Variants in OPCML observed in about 807,000 individuals in gnomAD.
OPCML encodes the protein opioid-binding protein/cell adhesion molecule.
Under a neutral mutation model 37.8 loss-of-function variants are expected in OPCML, and 13 were observed. The observed-to-expected ratio is 0.34, with a 90% CI of 0.22 to 0.55. The LOEUF is 0.55. Ranked by LOEUF, OPCML falls within the 20% of genes least tolerant of loss-of-function variation. The probability of loss-of-function intolerance (pLI) is 0.91; values close to 1 mark genes in which losing one functional copy is unlikely to be tolerated. For synonymous variants in OPCML, 176 were observed against 168.8 expected (o/e 1.04, Z -0.33); for missense variants, 341 against 435.6 (o/e 0.78, Z 1.93).
chr11:133,294,825 T>TTTTTTTTTTTTTTTTTTTTTC (rs1942587188), intron 1 of OPCML, among the ~76,000 whole-genome samples: 1 of 125,958 alleles, frequency 7.9e-6, no homozygotes, highest in Admixed American at 8.0e-5. Flanking sequence ...CTTTTTTTTT[T>TTTTTTTTTTTTTTTTTTTTTC]TTTTTTTTTT....
intron 2 of OPCML, among the ~76,000 whole-genome samples, chr11:132,883,992 A>G (rs1323436266): frequency 6.6e-6 from 1 of 152,198 alleles, no homozygotes; most frequent in Non-Finnish European, 1.5e-5. Flanking sequence ...AACATTCAAG[A>G]AGAAATATCT....
intron 3 of OPCML, among the ~76,000 whole-genome samples, chr11:132,627,251 T>C (rs1413934713): frequency 1.3e-5 from 2 of 152,226 alleles, no homozygotes; most frequent in Admixed American, 1.3e-4. Flanking sequence ...ATTTATTACA[T>C]TCACTAACCT....
chr11:133,237,298 C>T (rs1295483498), intron 1 of OPCML, among the ~76,000 whole-genome samples: 1 of 152,184 alleles, frequency 6.6e-6, no homozygotes, highest in African/African-American at 2.4e-5. Flanking sequence ...CCACATGCCC[C>T]GGCTGCTACA....
intron 1 of OPCML, among the ~76,000 whole-genome samples, chr11:133,203,286 C>G (rs555296517): frequency 2.0e-5 from 3 of 152,346 alleles, no homozygotes; most frequent in South Asian, 4.1e-4. Context: ...GGCAGCCCCT[C>G]AAGGGACAAA....
intron 1 of OPCML, among the ~76,000 whole-genome samples, chr11:133,371,085 A>G (rs1484840206): frequency 6.6e-6 from 1 of 152,216 alleles, no homozygotes. Flanking sequence ...AACATCATTT[A>G]TCATGAGATA....
intron 1 of OPCML, among the ~76,000 whole-genome samples, chr11:133,288,687 C>G (rs956123826): frequency 2.6e-5 from 4 of 152,058 alleles, no homozygotes; most frequent in African/African-American, 9.7e-5. Context: ...TTGGGGGTGC[C>G]GAGGGAAAAG....
At chr11:132,789,190 T>C (rs1300979439) in intron 2 of OPCML, among the ~76,000 whole-genome samples, 1 of 152,220 alleles carries the variant, frequency 6.6e-6, no homozygotes, top group Admixed American at 6.5e-5. Context: ...CGTTGACTTC[T>C]CTGATAACAC....
At chr11:133,114,351 CTCTT>C (rs1949300217) in intron 1 of OPCML, among the ~76,000 whole-genome samples, 1 of 150,540 alleles carries the variant, frequency 6.6e-6, no homozygotes, top group East Asian at 1.9e-4. Context: ...GTTCTGACGT[CTCTT>C]TTTTTTCTTT....
chr11:133,310,100 GAAT>G (rs903142407), intron 1 of OPCML, among the ~76,000 whole-genome samples: 10 of 152,212 alleles, frequency 6.6e-5, no homozygotes, highest in Non-Finnish European at 1.5e-4. Flanking sequence ...GAAAGAACCT[GAAT>G]GATGAAGAGA....
At chr11:133,123,985 G>A (rs1026405820) in intron 1 of OPCML, among the ~76,000 whole-genome samples, 1 of 151,954 alleles carries the variant, frequency 6.6e-6, no homozygotes, top group African/African-American at 2.4e-5. Flanking sequence ...AAGACTGTCA[G>A]TTTTGTCACT....
intron 4 of OPCML, among the ~76,000 whole-genome samples, chr11:132,506,475 T>C (rs900629947): frequency 4.6e-5 from 7 of 152,178 alleles, no homozygotes; most frequent in Non-Finnish European, 2.9e-5. Flanking sequence ...GGTGGAAGAA[T>C]TGTTATAAAT....
intron 1 of OPCML, among the ~76,000 whole-genome samples, chr11:133,323,340 A>G (rs1432201484): frequency 2.0e-5 from 3 of 152,226 alleles, no homozygotes; most frequent in African/African-American, 7.2e-5. Context: ...TATGTAAAAC[A>G]CCCTCACATA....
intron 1 of OPCML, among the ~76,000 whole-genome samples, chr11:133,103,797 G>C (rs942171931): frequency 6.6e-6 from 1 of 152,158 alleles, no homozygotes; most frequent in African/African-American, 2.4e-5. Context: ...GCTGGTGTCT[G>C]TCCAAATGTT....
chr11:132,944,152 G>T (rs1292267009), intron 1 of OPCML, among the ~76,000 whole-genome samples: 3 of 152,104 alleles, frequency 2.0e-5, no homozygotes, highest in Non-Finnish European at 4.4e-5. Context: ...CGGAGAGAAC[G>T]CGGCGCCCCT....
chr11:133,444,984 C>A (rs534179199), intron 1 of OPCML, among the ~76,000 whole-genome samples: 1 of 140,558 alleles, frequency 7.1e-6, no homozygotes, highest in South Asian at 2.3e-4. Flanking sequence ...GAAAAGTCAC[C>A]AAGAGACCAC....
At chr11:133,504,091 T>C (rs1026374975) in intron 1 of OPCML, among the ~76,000 whole-genome samples, 2 of 152,148 alleles carry the variant, frequency 1.3e-5, no homozygotes, top group African/African-American at 4.8e-5. Context: ...AGACTTGCTG[T>C]ATCCTCCACC....
chr11:133,201,818 G>A (rs1938808513), intron 1 of OPCML, among the ~76,000 whole-genome samples: 1 of 152,172 alleles, frequency 6.6e-6, no homozygotes, highest in Non-Finnish European at 1.5e-5. Context: ...GGAGGTCTCT[G>A]CCTGCCTTCT....
intron 2 of OPCML, among the ~76,000 whole-genome samples, chr11:132,677,144 T>C (rs1272610406): frequency 1.3e-5 from 2 of 152,048 alleles, no homozygotes; most frequent in African/African-American, 4.8e-5. Context: ...CACAGTACCA[T>C]TGATATTAGC....
chr11:132,847,524 T>G (rs1176217544), intron 2 of OPCML, among the ~76,000 whole-genome samples: 5 of 152,170 alleles, frequency 3.3e-5, no homozygotes, highest in African/African-American at 1.2e-4. Context: ...AATACTCATT[T>G]TTTTCTTCTC....
Sources: gnomAD v4.1 joint callset for allele counts (sites outside exome capture counted in the v4.1 genomes callset) on GRCh38, gnomAD v4.1.1 for gene constraint, MANE v1.5 for transcripts, NCBI Gene and HGNC (gene_info 2026-07-23, HGNC 2026-07-21) for gene names.